Variants in TSNARE1 observed in about 807,000 individuals in gnomAD.
TSNARE1 encodes the protein t-SNARE domain-containing protein 1.
A neutral mutation model predicts 62.0 loss-of-function variants in TSNARE1; 49 were observed. The observed-to-expected ratio is 0.79, with a 90% CI of 0.63 to 1.00. TSNARE1 has a LOEUF of 1.00. Ranked by LOEUF, TSNARE1 falls within the 50% of genes least tolerant of loss-of-function variation. The pLI is 0.00. For missense variants in TSNARE1, 755 were observed against 700.1 expected (o/e 1.08, Z -0.88); for synonymous variants, 328 against 294.4 (o/e 1.11, Z -1.17).
chr8:142,326,527 G>C (rs113281109), intron 6 of TSNARE1, among the ~76,000 whole-genome samples: 6 of 116,016 alleles, frequency 5.2e-5, no homozygotes, highest in African/African-American at 3.5e-5. Context: ...GCCCCGGAGA[G>C]CACGAGACAG....
intron 4 of TSNARE1, among the ~76,000 whole-genome samples, chr8:142,337,730 A>G (rs1396436774): frequency 6.6e-6 from 1 of 152,216 alleles, no homozygotes; most frequent in Non-Finnish European, 1.5e-5. Flanking sequence ...CAACCACAGC[A>G]CAGGCCTCCT....
chr8:142,229,359 G>T (rs1188304265), intron 13 of TSNARE1, 114 bp downstream of exon 13: 7 of 838,232 alleles, frequency 8.4e-6, no homozygotes, highest in Non-Finnish European at 1.2e-5. Context: ...TGGATAAATG[G>T]GTGGATGGAT....
intron 9 of TSNARE1, 62 bp downstream of exon 9, chr8:142,314,322 T>G (rs775230412): frequency 1.6e-4 from 239 of 1,497,392 alleles, no homozygotes; most frequent in Non-Finnish European, 2.1e-4. Context: ...GGAGCACAGA[T>G]GGCAGCGGAT....
chr8:142,340,004 G>A (rs1303280020), intron 4 of TSNARE1, among the ~76,000 whole-genome samples: 16 of 152,260 alleles, frequency 1.1e-4, no homozygotes, highest in Non-Finnish European at 1.9e-4. Flanking sequence ...GGAGAGCTGG[G>A]GAGGGAACCA....
At chr8:142,217,820 G>A (rs982999190) in intron 13 of TSNARE1, among the ~76,000 whole-genome samples, 26 of 151,788 alleles carry the variant, frequency 1.7e-4, no homozygotes, top group Non-Finnish European at 3.5e-4. Context: ...AGCGTTCAGG[G>A]TGTGAGCAGG....
At chr8:142,262,624 A>G (rs1818952925) in intron 12 of TSNARE1, among the ~76,000 whole-genome samples, 1 of 152,032 alleles carries the variant, frequency 6.6e-6, no homozygotes, top group Non-Finnish European at 1.5e-5. Context: ...TAGTGCTGTC[A>G]TGGCGATAGT....
chr8:142,258,446 A>G (rs1818697983), intron 12 of TSNARE1, among the ~76,000 whole-genome samples: 1 of 144,682 alleles, frequency 6.9e-6, no homozygotes, highest in African/African-American at 2.6e-5. Flanking sequence ...GCCTTCCCTC[A>G]GTTGGGACCC....
intron 4 of TSNARE1, among the ~76,000 whole-genome samples, chr8:142,341,819 C>A (rs1832623702): frequency 6.6e-6 from 1 of 152,174 alleles, no homozygotes; most frequent in South Asian, 2.1e-4. Context: ...TTACCCAGTG[C>A]CCAGCACAAC....
In TSNARE1 at chr8:142,319,923, G is replaced by T. The variant is rs1031725523; in HGVS notation, c.894-1289C>A. On this transcript the variant is annotated intron_variant, in intron 6 of 13. Transcript: ENST00000524325. The surrounding 1 kb of genome is among the most constrained non-coding windows in gnomAD (Gnocchi z 4.9). ...CTTCCCCGGGGCCTTGGTCAGGGCC[G>T]CCTCCTCCTGCAGCTGGCGTCTGAG... 1.3e-5 allele frequency among the ~76,000 whole-genome samples: 2 copies of T among 152,162 alleles called. No individual in the cohort carries two copies. The highest frequency in any genetic ancestry group is 4.8e-5 in the African/African-American group (2 of 41,444).
chr8:142,287,970 G>C (rs1444151152), intron 10 of TSNARE1, among the ~76,000 whole-genome samples: 1 of 152,230 alleles, frequency 6.6e-6, no homozygotes, highest in Non-Finnish European at 1.5e-5. Context: ...CCTTCAGGAC[G>C]TCCCGTGCTG....
At chr8:142,361,353 C>T (rs1447605553) in intron 1 of TSNARE1, among the ~76,000 whole-genome samples, 1 of 152,240 alleles carries the variant, frequency 6.6e-6, no homozygotes, top group Non-Finnish European at 1.5e-5. Flanking sequence ...GCACCAGAGG[C>T]CCCGACAACT....
intron 12 of TSNARE1, chr8:142,269,849 G>C: frequency 1.0e-6 from 1 of 985,428 alleles, no homozygotes; most frequent in South Asian, 4.7e-5. Flanking sequence ...GAAGGCAGCT[G>C]GACATGTGGC....
intron 1 of TSNARE1, among the ~76,000 whole-genome samples, chr8:142,391,734 C>T (rs540774852): frequency 6.6e-6 from 1 of 152,344 alleles, no homozygotes; most frequent in South Asian, 2.1e-4. Context: ...CCCGCCCTGC[C>T]GCAGCAGCCG....
chr8:142,248,164 G>A (rs1050421045), intron 12 of TSNARE1, among the ~76,000 whole-genome samples: 11 of 152,192 alleles, frequency 7.2e-5, no homozygotes, highest in African/African-American at 2.7e-4. Context: ...ACCTGAGGAC[G>A]CAGCTGGGAG....
At chr8:142,295,672 C>A (rs1042650981) in intron 10 of TSNARE1, among the ~76,000 whole-genome samples, 3 of 152,196 alleles carry the variant, frequency 2.0e-5, no homozygotes, top group Non-Finnish European at 4.4e-5. Context: ...TTTATCAACT[C>A]CATTCCTGCA....
intron 12 of TSNARE1, among the ~76,000 whole-genome samples, chr8:142,232,334 C>A (rs1817159348): frequency 6.6e-6 from 1 of 152,382 alleles, no homozygotes; most frequent in African/African-American, 2.4e-5. Context: ...TGTGCCCATG[C>A]CCTGCCCAGA....
intron 2 of TSNARE1, among the ~76,000 whole-genome samples, chr8:142,352,350 T>C (rs1422881271): frequency 6.6e-6 from 1 of 152,242 alleles, no homozygotes; most frequent in Non-Finnish European, 1.5e-5. Flanking sequence ...CCCACCAGGC[T>C]GGCAAGACAT....
intron 12 of TSNARE1, chr8:142,273,839 C>T: frequency 2.0e-6 from 2 of 985,420 alleles, no homozygotes; most frequent in South Asian, 9.4e-5. Flanking sequence ...CAACTGAGGA[C>T]CCTCTGCGGG....
rs1466867696 is a variant in TSNARE1 at position 142,390,559 on chromosome 8, C to T, written c.-40+12545G>A. ...ACACTGCTGGGGACTCTGTAACAGA[C>T]GCTGTACACTGCAGGGGACTCTATA... On this transcript the variant is annotated intron_variant, in intron 1 of 13. Coordinates refer to ENST00000524325, the MANE Select transcript of TSNARE1 (RefSeq NM_145003.5). 3.9e-4 allele frequency among the ~76,000 whole-genome samples: 27 copies of T among 69,202 alleles called. 3 individuals carry two copies. Among genetic ancestry groups the T allele is most frequent in the African/African-American group, 3.1e-3 (26 of 8,368 alleles). The allele number at this position is 69,202 out of a possible 152,430, so 45.4% of individuals were successfully genotyped here. A position where few individuals can be genotyped will look rare whatever the true frequency, so the allele number is the denominator to read the frequency against.
Sources: gnomAD v4.1 joint callset for allele counts (sites outside exome capture counted in the v4.1 genomes callset) on GRCh38, gnomAD v4.1.1 for gene constraint, Gnocchi (gnomAD v3.1) non-coding constraint, MANE v1.5 for transcripts, NCBI Gene and HGNC (gene_info 2026-07-23, HGNC 2026-07-21) for gene names.